TRIP4: variants seen among roughly 807,000 people sequenced by gnomAD.
TRIP4 encodes activating signal cointegrator 1.
A neutral mutation model predicts 81.8 loss-of-function variants in TRIP4; 54 were observed. That is an observed-to-expected ratio of 0.66 (90% CI 0.53 to 0.83). The LOEUF (loss-of-function observed/expected upper bound fraction) is 0.83. TRIP4 is among the 40% of genes least tolerant of loss of function. TRIP4 has a pLI of 0.00. For missense variants in TRIP4, 662 were observed against 683.6 expected (o/e 0.97, Z 0.35); for synonymous variants, 270 against 242.8 (o/e 1.11, Z -1.04).
intron 5 of TRIP4, among the ~76,000 whole-genome samples, chr15:64,401,116 C>G (rs1337659944): frequency 6.6e-6 from 1 of 151,748 alleles, no homozygotes; most frequent in African/African-American, 2.4e-5. Context: ...CGTGTGCCAC[C>G]ACGCGTAGCT....
At chr15:64,420,791 CAAA>C (rs1203018426) in intron 9 of TRIP4, among the ~76,000 whole-genome samples, 2 of 151,966 alleles carry the variant, frequency 1.3e-5, no homozygotes. Flanking sequence ...CTCGGCCTCT[CAAA>C]GTGCTGGGAT....
intron 4 of TRIP4, among the ~76,000 whole-genome samples, chr15:64,400,528 T>G (rs77891301): frequency 1.7e-4 from 26 of 150,710 alleles, no homozygotes; most frequent in Non-Finnish European, 3.4e-4. Flanking sequence ...TGCAGTGATA[T>G]AAGTTTTTTG....
At chr15:64,450,653 G>A in intron 12 of TRIP4, 1 of 455,854 alleles carries the variant, frequency 2.2e-6, no homozygotes, top group Non-Finnish European at 4.4e-6. Context: ...GCAAATGTCT[G>A]ATTTTTTTTA....
At chr15:64,438,074 A>G (rs887666828) in intron 11 of TRIP4, among the ~76,000 whole-genome samples, 9 of 152,206 alleles carry the variant, frequency 5.9e-5, no homozygotes, top group African/African-American at 1.9e-4. Context: ...ATGTTATTTG[A>G]TAAAGGAGTA....
chr15:64,401,538 C>T (rs906985780), intron 5 of TRIP4, among the ~76,000 whole-genome samples: 2 of 152,178 alleles, frequency 1.3e-5, no homozygotes, highest in African/African-American at 2.4e-5. Context: ...TCCCAAAGCA[C>T]TGGGATTACA....
intron 12 of TRIP4, among the ~76,000 whole-genome samples, chr15:64,446,667 G>T (rs1892638707): frequency 6.6e-6 from 1 of 151,506 alleles, no homozygotes; most frequent in Admixed American, 6.6e-5. Context: ...CTCCCAAAGT[G>T]CTGGGATTAC....
chr15:64,416,973 C>G (rs1891902556), intron 8 of TRIP4, among the ~76,000 whole-genome samples: 1 of 152,090 alleles, frequency 6.6e-6, no homozygotes, highest in East Asian at 1.9e-4. Flanking sequence ...GTTTCGACTA[C>G]CACTAGAAGT....
chr15:64,431,492 A>G (rs1596355289), intron 11 of TRIP4, among the ~76,000 whole-genome samples: 1 of 152,054 alleles, frequency 6.6e-6, no homozygotes, highest in Non-Finnish European at 1.5e-5. Flanking sequence ...TCATGAGGTC[A>G]GGAGTTCAAG....
intron 12 of TRIP4, among the ~76,000 whole-genome samples, chr15:64,453,082 A>C (rs577108741): frequency 2.4e-4 from 37 of 152,276 alleles, no homozygotes; most frequent in East Asian, 1.3e-3. Context: ...GCTACAGGGG[A>C]GGCTAAGGCA....
chr15:64,396,595 C>T (rs1466648634), intron 3 of TRIP4, among the ~76,000 whole-genome samples: 1 of 152,112 alleles, frequency 6.6e-6, no homozygotes, highest in Non-Finnish European at 1.5e-5. Context: ...TAGCTTCTTT[C>T]AATTTATGAG....
chr15:64,424,282 T>C, intron 10 of TRIP4, 127 bp downstream of exon 10: 8 of 1,337,560 alleles, frequency 6.0e-6, no homozygotes, highest in Admixed American at 2.4e-5. Context: ...TTTGTATATG[T>C]TTGTTTGTTT....
intron 7 of TRIP4, among the ~76,000 whole-genome samples, chr15:64,412,926 A>G (rs775261856): frequency 3.3e-5 from 5 of 152,168 alleles, no homozygotes; most frequent in Non-Finnish European, 7.4e-5. Context: ...TCCAATGCCA[A>G]CATCATAGGC....
At chr15:64,407,434 G>A (rs915700150) in intron 6 of TRIP4, among the ~76,000 whole-genome samples, 6 of 151,860 alleles carry the variant, frequency 4.0e-5, no homozygotes, top group Admixed American at 1.3e-4. Flanking sequence ...TGGGGAGGCC[G>A]AGGCAGGTGG....
intron 11 of TRIP4, among the ~76,000 whole-genome samples, chr15:64,438,535 T>G (rs1247842796): frequency 2.0e-5 from 3 of 152,174 alleles, no homozygotes; most frequent in Non-Finnish European, 4.4e-5. Context: ...GTCAGGCTGG[T>G]CTCGAACTCC....
chr15:64,400,360 A>G (rs1471771072), intron 4 of TRIP4, among the ~76,000 whole-genome samples: 11 of 150,866 alleles, frequency 7.3e-5, no homozygotes. Context: ...TTTTTGTTGA[A>G]ATGGGGTTTG....
intron 12 of TRIP4, among the ~76,000 whole-genome samples, chr15:64,451,257 C>T (rs996787708): frequency 3.3e-5 from 5 of 151,640 alleles, no homozygotes; most frequent in South Asian, 2.1e-4. Flanking sequence ...GGATTACAGG[C>T]GAGCACCATC....
intron 11 of TRIP4, among the ~76,000 whole-genome samples, chr15:64,436,001 T>G (rs939817424): frequency 6.6e-6 from 1 of 151,890 alleles, no homozygotes; most frequent in Non-Finnish European, 1.5e-5. Flanking sequence ...GCTCATCCTT[T>G]AAAACATCTC....
intron 11 of TRIP4, among the ~76,000 whole-genome samples, chr15:64,438,444 C>G (rs1314449144): frequency 6.6e-6 from 1 of 152,186 alleles, no homozygotes; most frequent in African/African-American, 2.4e-5. Context: ...CTCAGCCTCC[C>G]AAGTAGCTGG....
intron 5 of TRIP4, among the ~76,000 whole-genome samples, chr15:64,405,280 A>G (rs1237242219): frequency 1.3e-5 from 2 of 151,266 alleles, no homozygotes; most frequent in Non-Finnish European, 2.9e-5. Flanking sequence ...TCAGCCTCCC[A>G]AGTAGCTGGG....
Sources: gnomAD v4.1 joint callset for allele counts (sites outside exome capture counted in the v4.1 genomes callset) on GRCh38, gnomAD v4.1.1 for gene constraint, MANE v1.5 for transcripts, NCBI Gene and HGNC (gene_info 2026-07-23, HGNC 2026-07-21) for gene names.